Variants in ECE1 observed in about 807,000 individuals in gnomAD.
ECE1 encodes endothelin-converting enzyme 1.
A neutral mutation model predicts 98.6 loss-of-function variants in ECE1; 35 were observed. The observed-to-expected ratio is 0.35, with a 90% CI of 0.27 to 0.47. The LOEUF is 0.47. Ranked by LOEUF, ECE1 falls within the 20% of genes least tolerant of loss-of-function variation. The probability of loss-of-function intolerance (pLI) is 1.00; values close to 1 mark genes in which losing one functional copy is unlikely to be tolerated. For missense variants in ECE1, 814 were observed against 1,025.3 expected (o/e 0.79, Z 2.81); for synonymous variants, 394 against 407.1 (o/e 0.97, Z 0.39).
At chr1:21,246,172 T>C (rs2098203226) in intron 9 of ECE1, among the ~76,000 whole-genome samples, 1 of 152,170 alleles carries the variant, frequency 6.6e-6, no homozygotes, top group Admixed American at 6.5e-5. Context: ...TTTTTTTCCC[T>C]ATTTTTTTGG....
At chr1:21,277,402 G>A (rs1030948279) in intron 3 of ECE1, among the ~76,000 whole-genome samples, 4 of 152,240 alleles carry the variant, frequency 2.6e-5, no homozygotes, top group Non-Finnish European at 4.4e-5. Context: ...ACTGGCTGCC[G>A]GAGTCTGGCC....
At position 21,340,365 on chromosome 1, in the gene ECE1, G is replaced by A. The variant is rs997757323; in HGVS notation, c.3+5011C>T. 9.8e-5 allele frequency among the ~76,000 whole-genome samples: 15 copies of A among 152,348 alleles called. No individual in the cohort carries two copies. Among genetic ancestry groups the A allele is most frequent in the African/African-American group, 3.6e-4 (15 of 41,588 alleles). ...CTGCTCTGGGCAGCATGCCAGGGGCGTGGTTTGGGCTAGAGGAGGACTGGA... is the reference window on the plus strand; with the variant it reads ...CTGCTCTGGGCAGCATGCCAGGGGCATGGTTTGGGCTAGAGGAGGACTGGA... On this transcript the variant is annotated intron_variant, in intron 1 of 18. Coordinates refer to the ECE1 transcript ENST00000415912. The surrounding 1 kb of genome is among the most constrained non-coding windows in gnomAD (Gnocchi z 4.6).
Position 21,272,751 on chromosome 1 carries a change from C to T in ECE1, c.441G>A (p.Gly147=), listed in dbSNP as rs745619062. The change falls in exon 4 of 19, where the codon GGG becomes GGA. Residue 147 remains glycine (G), a synonymous_variant. Coordinates refer to ENST00000374893, the MANE Select transcript of ECE1 (RefSeq NM_001397.3). Reference sequence around the variant, plus strand: ...TGTGTTCCCAGAGGTTGCTGAAGGTCCCCCAGCGTGAGTGGCCATCAGGGA... The same window carrying T: ...TGTGTTCCCAGAGGTTGCTGAAGGTTCCCCAGCGTGAGTGGCCATCAGGGA... ...NPVPDGHSRW[G]TFSNLWEHNQ... is the part of the protein sequence containing the mutation. The T allele has an allele frequency of 3.7e-6, 6 of 1,614,124 alleles. No individual in the cohort carries two copies. Among genetic ancestry groups the T allele is most frequent in the Middle Eastern group, 1.6e-4 (1 of 6,084 alleles).
intron 14 of ECE1, among the ~76,000 whole-genome samples, chr1:21,230,302 C>A (rs563969136): frequency 1.3e-5 from 2 of 152,264 alleles, no homozygotes; most frequent in East Asian, 3.9e-4. Context: ...ATCAGAAGAA[C>A]GTGCACAAGT....
intron 3 of ECE1, among the ~76,000 whole-genome samples, chr1:21,277,440 G>C (rs1410718811): frequency 1.3e-5 from 2 of 152,244 alleles, no homozygotes; most frequent in Non-Finnish European, 2.9e-5. Context: ...GCCAAGAGCT[G>C]TGCAGACGTG....
chr1:21,295,644 T>C (rs909656653), intron 1 of ECE1, among the ~76,000 whole-genome samples: 3 of 152,268 alleles, frequency 2.0e-5, no homozygotes, highest in African/African-American at 7.2e-5. Context: ...AACTCGCCTA[T>C]GGGCACTTTC....
chr1:21,225,500 C>T lies in ECE1; in HGVS notation c.1850-60G>A, dbSNP rs2098172948. The T allele has an allele frequency of 6.4e-7, 1 of 1,566,786 alleles. No homozygotes were observed. The highest frequency in any genetic ancestry group is 8.7e-7 in the Non-Finnish European group (1 of 1,151,484). ...GGAGGGGCACAGCAGGGACCTGCTG[C>T]TCCTCCCTGCTCCTGGTGAGAAGCG... On this transcript the variant is annotated intron_variant, in intron 16 of 18. Transcript: ENST00000374893. The surrounding 1 kb of genome is among the most constrained non-coding windows in gnomAD (Gnocchi z 5.3).
chr1:21,258,567 C>G lies in ECE1; in HGVS notation c.762+126G>C, dbSNP rs1256273175. ...GTGGGGCCTCTGGAAATAACCCAGG[C>G]TCAGAAACTAGAAGACCGCCGTCCC... On this transcript the variant is annotated intron_variant, in intron 6 of 18. Coordinates refer to ENST00000374893, the MANE Select transcript of ECE1 (RefSeq NM_001397.3). This position sits in a 1 kb window ranked among gnomAD's most constrained non-coding sequence, Gnocchi z 4.2. 6.9e-7 allele frequency: 1 copy of G among 1,459,328 alleles called. No homozygotes were observed. The highest frequency in any genetic ancestry group is 1.4e-5 in the African/African-American group (1 of 71,480). The allele number at this position is 1,459,328 out of a possible 1,614,324, so 90.4% of individuals were successfully genotyped here. A position where few individuals can be genotyped will look rare whatever the true frequency, so the allele number is the denominator to read the frequency against.
At chr1:21,337,182 G>T (rs1471708441) in intron 1 of ECE1, among the ~76,000 whole-genome samples, 1 of 152,208 alleles carries the variant, frequency 6.6e-6, no homozygotes, top group Non-Finnish European at 1.5e-5. Flanking sequence ...CCTCAAGCTG[G>T]AATCAACCCA....
intron 17 of ECE1, among the ~76,000 whole-genome samples, chr1:21,222,833 C>T (rs1294598480): frequency 7.8e-6 from 1 of 128,196 alleles, no homozygotes; most frequent in Non-Finnish European, 1.7e-5. Context: ...CAGAGTGAGA[C>T]CCTGTCTCAA....
intron 4 of ECE1, among the ~76,000 whole-genome samples, chr1:21,263,435 C>T (rs890417376): frequency 4.0e-5 from 6 of 151,774 alleles, no homozygotes; most frequent in African/African-American, 9.7e-5. Flanking sequence ...CGGCTCACTG[C>T]AACCTCCACC....
chr1:21,293,192 G>A (rs1638253880), upstream of ECE1: 1 of 152,128 alleles, frequency 6.6e-6, no homozygotes, highest in Non-Finnish European at 1.5e-5. Context: ...CTGAGGCTTG[G>A]GGAAGTTAAC....
At chr1:21,287,887 G>A (rs558816255) in intron 2 of ECE1, among the ~76,000 whole-genome samples, 4 of 151,788 alleles carry the variant, frequency 2.6e-5, no homozygotes, top group African/African-American at 7.2e-5. Flanking sequence ...TTACTGCTCC[G>A]TTTTTAATTC....
At chr1:21,334,444 A>C (rs1639268096) in intron 1 of ECE1, among the ~76,000 whole-genome samples, 1 of 152,240 alleles carries the variant, frequency 6.6e-6, no homozygotes, top group Admixed American at 6.5e-5. Context: ...CCACAAAGCC[A>C]CAGGATTCCC....
rs1317434327 is a variant in ECE1, at chr1:21,225,006, C to G, written c.2040+244G>C. Among the ~76,000 whole-genome samples the G allele has an allele frequency of 1.3e-5, 2 of 152,226 alleles. No individual in the cohort carries two copies. The highest frequency in any genetic ancestry group is 2.9e-5 in the Non-Finnish European group (2 of 68,042). ...CTTCAGGCGGATGAAGCCCGAGCCC[C>G]TTCCTGTGTCTTTGTCAGGCCAGAC... is the stretch of plus-strand genomic sequence containing the variant. On this transcript the variant is annotated intron_variant, in intron 17 of 18. Coordinates refer to ENST00000374893, the MANE Select transcript of ECE1 (RefSeq NM_001397.3). This position sits in a 1 kb window ranked among gnomAD's most constrained non-coding sequence, Gnocchi z 5.3.
rs752018050 is a variant in ECE1 at position 21,264,309 on chromosome 1, T to TCC, written c.494-3919_494-3918dup. Among the ~76,000 whole-genome samples the TCC allele has an allele frequency of 4.0e-3, 282 of 71,258 alleles. 6 individuals are homozygous for TCC. The East Asian group carries it at 0.052, about 13-fold the overall frequency. The allele number at this position is 71,258 out of a possible 152,430, so 46.7% of individuals were successfully genotyped here. A position where few individuals can be genotyped will look rare whatever the true frequency, so the allele number is the denominator to read the frequency against. ...CAAATAGGCACTGGAATATACCAAT[T>TCC]CCCCCCCCCCCTTTTTTTTTTTTGA... is the stretch of plus-strand genomic sequence containing the variant. On this transcript the variant is annotated intron_variant, in intron 4 of 18. Coordinates refer to ENST00000374893, the MANE Select transcript of ECE1 (RefSeq NM_001397.3).
chr1:21,320,881 G>A (rs572514482), intron 1 of ECE1, among the ~76,000 whole-genome samples: 26 of 152,348 alleles, frequency 1.7e-4, no homozygotes, highest in African/African-American at 5.8e-4. Flanking sequence ...GCCTACTGCC[G>A]AGGTGGTGCC....
chr1:21,248,247 T>C (rs1400234247), intron 8 of ECE1, among the ~76,000 whole-genome samples: 1 of 152,054 alleles, frequency 6.6e-6, no homozygotes, highest in African/African-American at 2.4e-5. Context: ...CTTGGCTCAC[T>C]GTAACCTCTG....
chr1:21,238,270 G>A lies in ECE1; in HGVS notation c.1279-26C>T, dbSNP rs146266639. The A allele has an allele frequency of 4.4e-5, 69 of 1,566,364 alleles. No individual in the cohort carries two copies. The Middle Eastern group carries it at 8.6e-4, about 20-fold the overall frequency. ...CTGGAAAACACAAGTCAGGGGGCTC[G>A]CTGGGCCCCAGCCCTTTGTTTCCCA... On this transcript the variant is annotated intron_variant, in intron 10 of 18. Coordinates refer to ENST00000374893, the MANE Select transcript of ECE1 (RefSeq NM_001397.3).
Sources: allele counts gnomAD v4.1 joint callset (sites outside exome capture counted in the v4.1 genomes callset), GRCh38; gene constraint gnomAD v4.1.1; non-coding constraint Gnocchi (gnomAD v3.1); transcripts MANE v1.5; gene names NCBI Gene and HGNC (gene_info 2026-07-23, HGNC 2026-07-21).